CAMK2D: variants seen among roughly 807,000 people sequenced by gnomAD.
CAMK2D encodes calcium/calmodulin dependent protein kinase II delta.
Under a neutral mutation model 84.0 loss-of-function variants are expected in CAMK2D, and 37 were observed. The ratio of observed to expected loss-of-function variants is 0.44; its 90% CI spans 0.34 to 0.58. The LOEUF (loss-of-function observed/expected upper bound fraction) is 0.58. CAMK2D is among the 20% of genes least tolerant of loss of function. The probability of loss-of-function intolerance (pLI) is 0.02; values close to 1 mark genes in which losing one functional copy is unlikely to be tolerated. For synonymous variants in CAMK2D, 202 were observed against 212.5 expected (o/e 0.95, Z 0.43); for missense variants, 448 against 652.5 (o/e 0.69, Z 3.41).
chr4:113,717,667 G>A (rs550325909), intron 2 of CAMK2D, among the ~76,000 whole-genome samples: 1 of 152,182 alleles, frequency 6.6e-6, no homozygotes, highest in East Asian at 1.9e-4. Context: ...AAAGATGGTG[G>A]AGAGAGTTGA....
At chr4:113,566,257 G>T (rs2098723326) in intron 4 of CAMK2D, among the ~76,000 whole-genome samples, 2 of 152,130 alleles carry the variant, frequency 1.3e-5, no homozygotes, top group South Asian at 4.1e-4. Context: ...CTAAAGCTCT[G>T]AATGTTCAAT....
intron 6 of CAMK2D, among the ~76,000 whole-genome samples, chr4:113,545,212 C>T (rs949601330): frequency 6.6e-6 from 1 of 152,092 alleles, no homozygotes; most frequent in Non-Finnish European, 1.5e-5. Context: ...ACGTTAGGTA[C>T]TGTGGAGTAT....
intron 8 of CAMK2D, among the ~76,000 whole-genome samples, chr4:113,520,006 C>A (rs1379120498): frequency 2.0e-5 from 3 of 152,152 alleles, no homozygotes; most frequent in Non-Finnish European, 2.9e-5. Flanking sequence ...AACTGAGAGA[C>A]CTTGACATAC....
intron 4 of CAMK2D, among the ~76,000 whole-genome samples, chr4:113,596,156 C>T (rs2098925243): frequency 6.6e-6 from 1 of 152,170 alleles, no homozygotes; most frequent in Non-Finnish European, 1.5e-5. Flanking sequence ...TTTATTTGCT[C>T]ATTCATAAGA....
intron 3 of CAMK2D, among the ~76,000 whole-genome samples, chr4:113,611,674 CTAAT>C (rs1464379580): frequency 6.6e-6 from 1 of 152,088 alleles, no homozygotes; most frequent in Middle Eastern, 3.2e-3. Context: ...CTTATTAATA[CTAAT>C]TAATACTAAA....
At chr4:113,698,740 A>G (rs996971199) in intron 2 of CAMK2D, among the ~76,000 whole-genome samples, 2 of 152,090 alleles carry the variant, frequency 1.3e-5, no homozygotes, top group African/African-American at 4.8e-5. Flanking sequence ...TAGGTATATG[A>G]CATGTTGGAT....
chr4:113,544,302 C>T (rs957283177), intron 6 of CAMK2D, among the ~76,000 whole-genome samples: 3 of 152,124 alleles, frequency 2.0e-5, no homozygotes, highest in African/African-American at 7.2e-5. Flanking sequence ...ACTATTTTAA[C>T]CTTTTGATTC....
chr4:113,501,355 T>C (rs2098042265), intron 15 of CAMK2D, among the ~76,000 whole-genome samples: 1 of 151,472 alleles, frequency 6.6e-6, no homozygotes, highest in African/African-American at 2.4e-5. Flanking sequence ...AAATATTTTC[T>C]AGCAAATAAA....
intron 4 of CAMK2D, among the ~76,000 whole-genome samples, chr4:113,586,517 T>C (rs1287245893): frequency 6.6e-6 from 1 of 152,192 alleles, no homozygotes; most frequent in Non-Finnish European, 1.5e-5. Flanking sequence ...TTACATGTTA[T>C]TGTCAACCAC....
At chr4:113,662,076 T>C (rs112850520) in intron 2 of CAMK2D, among the ~76,000 whole-genome samples, 2 of 152,320 alleles carry the variant, frequency 1.3e-5, no homozygotes, top group East Asian at 1.9e-4. Context: ...CAAGTATATA[T>C]TATTGTAATA....
chr4:113,485,177 T>G (rs1278625198), intron 16 of CAMK2D, among the ~76,000 whole-genome samples: 1 of 152,196 alleles, frequency 6.6e-6, no homozygotes, highest in African/African-American at 2.4e-5. Flanking sequence ...CAGGATAATG[T>G]AAGGTAAAGT....
At chr4:113,483,613 C>A (rs2097728904) in intron 16 of CAMK2D, among the ~76,000 whole-genome samples, 1 of 151,986 alleles carries the variant, frequency 6.6e-6, no homozygotes, top group Admixed American at 6.6e-5. Flanking sequence ...ACCACATTGG[C>A]CAGGTTGGTC....
chr4:113,750,448 C>T (rs1295816740), intron 2 of CAMK2D, among the ~76,000 whole-genome samples: 2 of 152,152 alleles, frequency 1.3e-5, no homozygotes, highest in Non-Finnish European at 2.9e-5. Context: ...ACCAACCTCC[C>T]CAAGCCTGTT....
chr4:113,659,278 T>G (rs2099217172), intron 3 of CAMK2D, among the ~76,000 whole-genome samples: 1 of 152,222 alleles, frequency 6.6e-6, no homozygotes, highest in African/African-American at 2.4e-5. Flanking sequence ...AAACAAAGAT[T>G]TGATTTTATC....
intron 3 of CAMK2D, among the ~76,000 whole-genome samples, chr4:113,614,084 T>C (rs1314309424): frequency 6.6e-6 from 1 of 152,118 alleles, no homozygotes; most frequent in East Asian, 1.9e-4. Context: ...ACTTAATATC[T>C]TTCCTAAAAG....
In CAMK2D at chr4:113,759,411, C is replaced by T; in HGVS notation, c.69G>A (p.Gly23=). The part of the protein sequence containing the change: ...EYQLFEELGK[G]AFSVVRRCMK... ...TACATCTTCTCACCACTGAGAATGC[C>T]CCCCTGGAAACCAATAATTAGCAGG... The change falls in exon 2 of 21, where the codon GGG becomes GGA. Residue 23 remains glycine (G), a synonymous_variant. Coordinates refer to ENST00000511664, the MANE Select transcript of CAMK2D (RefSeq NM_001321571.2). 5.7e-6 allele frequency: 9 copies of T among 1,584,870 alleles called. No homozygotes were observed. Among genetic ancestry groups the T allele is most frequent in the Non-Finnish European group, 7.7e-6 (9 of 1,161,452 alleles).
intron 3 of CAMK2D, among the ~76,000 whole-genome samples, chr4:113,609,961 T>C (rs1369539669): frequency 5.9e-5 from 9 of 152,208 alleles, no homozygotes; most frequent in Admixed American, 5.9e-4. Context: ...TACAAACCGC[T>C]GTATCTGCTA....
intron 4 of CAMK2D, among the ~76,000 whole-genome samples, chr4:113,606,512 A>C (rs1476026907): frequency 6.6e-6 from 1 of 151,734 alleles, no homozygotes; most frequent in East Asian, 1.9e-4. Flanking sequence ...AAAAAAAACA[A>C]CAGAGGAAAG....
intron 2 of CAMK2D, among the ~76,000 whole-genome samples, chr4:113,673,949 C>T (rs895043864): frequency 1.1e-4 from 16 of 152,068 alleles, no homozygotes; most frequent in Admixed American, 2.0e-4. Flanking sequence ...AAAGTTGTTC[C>T]CACTTGCATC....
Sources: gnomAD v4.1 joint callset for allele counts (sites outside exome capture counted in the v4.1 genomes callset) on GRCh38, gnomAD v4.1.1 for gene constraint, MANE v1.5 for transcripts, NCBI Gene and HGNC (gene_info 2026-07-23, HGNC 2026-07-21) for gene names.